The following ADCY5 variants were observed in gnomAD, a reference collection of about 807,000 sequenced individuals.
ADCY5 encodes the protein adenylate cyclase 5.
Under a neutral mutation model 119.7 loss-of-function variants are expected in ADCY5, and 30 were observed. The ratio of observed to expected loss-of-function variants is 0.25; its 90% CI spans 0.19 to 0.34. The LOEUF (loss-of-function observed/expected upper bound fraction) is 0.34. ADCY5 is among the 10% of genes least tolerant of loss of function. The probability of loss-of-function intolerance (pLI) is 1.00; values close to 1 mark genes in which losing one functional copy is unlikely to be tolerated. For missense variants in ADCY5, 1,324 were observed against 1,775.2 expected (o/e 0.75, Z 4.57); for synonymous variants, 753 against 762.2 (o/e 0.99, Z 0.20).
intron 16 of ADCY5, chr3:123,297,056 T>A (rs1339194173): frequency 6.5e-7 from 1 of 1,535,808 alleles, no homozygotes; most frequent in Non-Finnish European, 8.7e-7. Flanking sequence ...CACAGGCTCC[T>A]GGGGAAGAGC....
At chr3:123,353,867 C>T (rs1399034996) in intron 1 of ADCY5, among the ~76,000 whole-genome samples, 1 of 152,170 alleles carries the variant, frequency 6.6e-6, no homozygotes, top group Non-Finnish European at 1.5e-5. Context: ...AATGTGGTAC[C>T]ATCTTTCCCT....
At chr3:123,404,464 C>T (rs1386710117) in intron 1 of ADCY5, 2 of 152,552 alleles carry the variant, frequency 1.3e-5, no homozygotes, top group Non-Finnish European at 2.9e-5. Flanking sequence ...TCCAGACCTC[C>T]CACTCCACCA....
At chr3:123,324,829 G>A (rs1334341134) in intron 8 of ADCY5, among the ~76,000 whole-genome samples, 1 of 152,204 alleles carries the variant, frequency 6.6e-6, no homozygotes, top group Non-Finnish European at 1.5e-5. Context: ...GAGGGCAAAG[G>A]GGACCACCAC....
At position 123,429,766 on chromosome 3, in the gene ADCY5, C is replaced by T. The variant is rs137978453; in HGVS notation, c.1134+17646G>A. ...TGCACCATCAGGGTGGCATATCCCACCTGTGTGGCCAGTCCAGACTTCTCA... is the reference window on the plus strand; with the variant it reads ...TGCACCATCAGGGTGGCATATCCCATCTGTGTGGCCAGTCCAGACTTCTCA... On this transcript the variant is annotated intron_variant, in intron 1 of 20. Coordinates refer to ENST00000462833, the MANE Select transcript of ADCY5 (RefSeq NM_183357.3). Among the ~76,000 whole-genome samples, 356 of 152,314 alleles carry T rather than the reference C, an allele frequency of 2.3e-3. 2 individuals are homozygous for T. The highest frequency in any genetic ancestry group is 6.8e-3 in the Middle Eastern group (2 of 294).
intron 7 of ADCY5, 29 bp from the exon 8 acceptor site, chr3:123,325,491 G>A (rs1252283235): frequency 1.2e-6 from 2 of 1,612,670 alleles, no homozygotes; most frequent in East Asian, 4.5e-5. Flanking sequence ...GATGGGGGGA[G>A]ATGAGGAGTC....
At chr3:123,376,867 A>G (rs1943853682) in intron 1 of ADCY5, among the ~76,000 whole-genome samples, 2 of 152,238 alleles carry the variant, frequency 1.3e-5, no homozygotes, top group Non-Finnish European at 2.9e-5. Flanking sequence ...TCCTTTCTCC[A>G]CTAGCATTCT....
chr3:123,325,028 G>C (rs1474303973), intron 8 of ADCY5, among the ~76,000 whole-genome samples: 1 of 152,242 alleles, frequency 6.6e-6, no homozygotes, highest in Non-Finnish European at 1.5e-5. Flanking sequence ...AGTCTAGCCA[G>C]ACATGCCTGC....
intron 1 of ADCY5, among the ~76,000 whole-genome samples, chr3:123,429,949 G>A (rs1183147339): frequency 2.0e-5 from 3 of 152,014 alleles, no homozygotes; most frequent in Non-Finnish European, 4.4e-5. Context: ...GAGTGTCAGC[G>A]GGGGCAGCTC....
intron 1 of ADCY5, among the ~76,000 whole-genome samples, chr3:123,442,265 A>G (rs143020310): frequency 5.8e-4 from 88 of 152,340 alleles, no homozygotes; most frequent in African/African-American, 1.9e-3. Flanking sequence ...TGAAGTAGCA[A>G]GCAGGCAGCC....
Position 123,286,718 on chromosome 3 carries a change from G to A in ADCY5, c.3624C>T (p.Arg1208=), listed in dbSNP as rs534019110. 1.2e-5 allele frequency: 20 copies of A among 1,613,518 alleles called. No individual in the cohort carries two copies. In the South Asian group the frequency reaches 2.0e-4, roughly 16 times the overall value. Residue 1208 remains arginine, a synonymous_variant, in exon 20 of 21, where the codon CGC becomes CGT. Transcript: ENST00000462833. The surrounding 1 kb of genome is among the most constrained non-coding windows in gnomAD (Gnocchi z 4.2). ...GGTCGGGTACACCGGTGCTGTCCAT[G>A]CGGCTGGCCACGTTCACGGTATTGC... ...IWGNTVNVAS[R]MDSTGVPDRI...
chr3:123,294,775 G>A (rs960776585), intron 17 of ADCY5, among the ~76,000 whole-genome samples: 7 of 152,216 alleles, frequency 4.6e-5, no homozygotes, highest in Non-Finnish European at 8.8e-5. Context: ...GGGAGGGTGC[G>A]CAGGGATGAC....
intron 1 of ADCY5, among the ~76,000 whole-genome samples, chr3:123,441,808 T>G (rs1334677710): frequency 6.6e-6 from 1 of 152,160 alleles, no homozygotes; most frequent in Non-Finnish European, 1.5e-5. Context: ...TCTGATGAAC[T>G]GGATAAGGCT....
At chr3:123,444,330 G>A (rs1375510449) in intron 1 of ADCY5, among the ~76,000 whole-genome samples, 1 of 152,208 alleles carries the variant, frequency 6.6e-6, no homozygotes. Context: ...CTCGAACAGG[G>A]AGGGAGAGAT....
chr3:123,370,142 C>A (rs542171705), intron 1 of ADCY5, among the ~76,000 whole-genome samples: 38 of 152,228 alleles, frequency 2.5e-4, no homozygotes, highest in African/African-American at 8.2e-4. Context: ...GGAGGAGTGG[C>A]AAATGTTCAT....
At chr3:123,362,001 T>C (rs1943264313) in intron 1 of ADCY5, among the ~76,000 whole-genome samples, 1 of 152,248 alleles carries the variant, frequency 6.6e-6, no homozygotes, top group Non-Finnish European at 1.5e-5. Context: ...ATCAGTATTT[T>C]GTTCCTTTTA....
chr3:123,289,694 G>A, intron 19 of ADCY5, 56 bp downstream of exon 19: 1 of 1,589,266 alleles, frequency 6.3e-7, no homozygotes, highest in South Asian at 1.1e-5. Context: ...GGGAGCCCCT[G>A]CCAGCCCTCT....
chr3:123,359,331 A>AATACAT (rs1476687771), intron 1 of ADCY5, among the ~76,000 whole-genome samples: 1 of 109,766 alleles, frequency 9.1e-6, no homozygotes, highest in African/African-American at 3.7e-5. Context: ...CTTATACTAA[A>AATACAT]ATATATATAT....
At chr3:123,381,731 G>A (rs559267083) in intron 1 of ADCY5, among the ~76,000 whole-genome samples, 2 of 152,208 alleles carry the variant, frequency 1.3e-5, no homozygotes, top group African/African-American at 2.4e-5. Context: ...GGCTTCCATC[G>A]CTCCTGAGAG....
Position 123,291,264 on chromosome 3 carries a change from T to C in ADCY5, c.3176A>G (p.Asn1059Ser), listed in dbSNP as rs770861216. 5.6e-6 allele frequency: 9 copies of C among 1,613,888 alleles called. No individual in the cohort carries two copies. The highest frequency in any genetic ancestry group is 1.3e-5 in the African/African-American group (1 of 74,938). Residue 1059 changes from asparagine (N) to serine (S), a missense_variant, in exon 18 of 21, where the codon AAT becomes AGT. Physicochemically the swap from Asn to Ser is conservative, Grantham distance 46. Transcript: ENST00000462833. The stretch of plus-strand genomic sequence containing the variant: ...ACAGGACTGATAGTAGAGCTCATCA[T>C]TGCGCCGCTCGCGGGCCAGGAAGTG... ...AAHFLARERR[N>S]DELYYQSCEC...
Sources: gnomAD v4.1 joint callset for allele counts (sites outside exome capture counted in the v4.1 genomes callset) on GRCh38, gnomAD v4.1.1 for gene constraint, Gnocchi (gnomAD v3.1) non-coding constraint, MANE v1.5 for transcripts, NCBI Gene and HGNC (gene_info 2026-07-23, HGNC 2026-07-21) for gene names.